CD8B2: variants seen among roughly 807,000 people sequenced by gnomAD.
The protein encoded by CD8B2 is T-cell surface glycoprotein CD8 beta-2 chain.
Under a neutral mutation model 23.7 loss-of-function variants are expected in CD8B2, and 11 were observed. The observed-to-expected ratio is 0.46, with a 90% CI of 0.29 to 0.77. The LOEUF (loss-of-function observed/expected upper bound fraction) is 0.77, where lower values mean the gene tolerates loss of function less well. CD8B2 is among the 30% of genes least tolerant of loss of function. The pLI, the probability that CD8B2 is intolerant of heterozygous loss-of-function variation, is 0.09. For synonymous variants in CD8B2, 90 were observed against 109.3 expected, an observed-to-expected ratio of 0.82 and a Z score of 1.10; for missense variants, 197 against 270.5, an observed-to-expected ratio of 0.73 and a Z score of 1.91.
intron 5 of CD8B2, among the ~76,000 whole-genome samples, chr2:106,524,183 C>G (rs1377608603): frequency 6.6e-6 from 1 of 152,164 alleles, no homozygotes; most frequent in Non-Finnish European, 1.5e-5. Flanking sequence ...TAATAGTAGG[C>G]TGGCTTCCTG....
intron 3 of CD8B2, among the ~76,000 whole-genome samples, chr2:106,500,459 C>A (rs1301937114): frequency 6.6e-6 from 1 of 150,734 alleles, no homozygotes; most frequent in Non-Finnish European, 1.5e-5. Context: ...GCAGAGGTTG[C>A]GGTGAGCCCA....
At chr2:106,526,590 C>G (rs1679909945) in intron 5 of CD8B2, among the ~76,000 whole-genome samples, 1 of 152,204 alleles carries the variant, frequency 6.6e-6, no homozygotes, top group Non-Finnish European at 1.5e-5. Context: ...TAGCACCTGT[C>G]AGTATTTCAT....
At chr2:106,490,400 G>T (rs1351172609) in intron 1 of CD8B2, among the ~76,000 whole-genome samples, 1 of 152,124 alleles carries the variant, frequency 6.6e-6, no homozygotes, top group African/African-American at 2.4e-5. Context: ...GGTGGTACAT[G>T]CCTATAGTCT....
Position 106,533,078 on chromosome 2 carries a change from T to C in CD8B2, c.621-10914T>C, listed in dbSNP as rs561737517. On this transcript the variant is annotated intron_variant, in intron 5 of 5. Coordinates refer to the CD8B2 transcript ENST00000416057. Reference sequence around the variant, plus strand: ...AATTGGCCCAAAATGAGAAAAAGGATGGGAGGGTCTTAATTGTTCTCCAAG... The same window carrying C: ...AATTGGCCCAAAATGAGAAAAAGGACGGGAGGGTCTTAATTGTTCTCCAAG... Among the ~76,000 whole-genome samples, 4 of 152,184 alleles carry C rather than the reference T, an allele frequency of 2.6e-5. No homozygotes were observed. In the South Asian group the frequency reaches 8.3e-4, roughly 32 times the overall value.
intron 3 of CD8B2, among the ~76,000 whole-genome samples, chr2:106,500,560 A>ATAATTAAT (rs1553466760): frequency 0.02 from 2,419 of 118,528 alleles, 5 homozygotes; most frequent in African/African-American, 0.047. Flanking sequence ...AAATAAATAA[A>ATAATTAAT]TAATTAAAAA....
intron 4 of CD8B2, among the ~76,000 whole-genome samples, chr2:106,503,369 C>T (rs1030557065): frequency 1.3e-5 from 2 of 152,010 alleles, no homozygotes; most frequent in African/African-American, 4.8e-5. Context: ...AAATAACGGA[C>T]CTCTCCCCAC....
At chr2:106,493,297 G>A (rs4399721) in intron 2 of CD8B2, among the ~76,000 whole-genome samples, 135,099 of 152,090 alleles carry the variant, frequency 0.89, 60,160 homozygotes, top group East Asian at 1. Context: ...TCATGGGCTC[G>A]AAGTTTTATT....
intron 3 of CD8B2, among the ~76,000 whole-genome samples, chr2:106,496,907 C>A (rs1679311136): frequency 6.6e-6 from 1 of 152,188 alleles, no homozygotes; most frequent in African/African-American, 2.4e-5. Flanking sequence ...AACAAGGGGA[C>A]TTTATGAGTA....
At chr2:106,514,432 T>C (rs1431839252), downstream of CD8B2, among the ~76,000 whole-genome samples, 2 of 151,612 alleles carry the variant, frequency 1.3e-5, no homozygotes, top group Non-Finnish European at 2.9e-5. Context: ...GGATTACAGG[T>C]GCGCGCCATC....
rs1265125643 is a variant in CD8B2 at position 106,511,052 on chromosome 2, G to A, written c.*4112G>A. The A allele has an allele frequency of 1.3e-5, 2 of 151,960 alleles. No individual in the cohort carries two copies. The highest frequency in any genetic ancestry group is 1.5e-5 in the Non-Finnish European group (1 of 68,018). 9.4% of individuals were successfully genotyped at this position (151,960 alleles called of 1,614,324 possible). ...TACATCATGTATTACTTTTGTAGTTGGGGAAAAAGCAATTAAAAGTTTGGA... is the reference window on the plus strand; with the variant it reads ...TACATCATGTATTACTTTTGTAGTTAGGGAAAAAGCAATTAAAAGTTTGGA... On this transcript the variant is annotated 3_prime_UTR_variant, in exon 6 of 6. Coordinates refer to ENST00000643224, the MANE Select transcript of CD8B2 (RefSeq NM_001349727.2).
intron 2 of CD8B2, among the ~76,000 whole-genome samples, chr2:106,494,526 A>C: frequency 6.8e-6 from 1 of 146,166 alleles, no homozygotes; most frequent in Admixed American, 6.9e-5. Flanking sequence ...GTGTCTCCTT[A>C]CTCCCTCTCC....
intron 5 of CD8B2, among the ~76,000 whole-genome samples, chr2:106,541,956 C>T (rs1680180601): frequency 6.6e-6 from 1 of 152,186 alleles, no homozygotes; most frequent in Non-Finnish European, 1.5e-5. Flanking sequence ...AGCTAGAGGT[C>T]AAGGCTGTTC....
chr2:106,511,894 G>T (rs1444295544), downstream of CD8B2, among the ~76,000 whole-genome samples: 1 of 152,216 alleles, frequency 6.6e-6, no homozygotes, highest in Non-Finnish European at 1.5e-5. Flanking sequence ...TGCACGACAC[G>T]TGTGATTCCT....
intron 5 of CD8B2, among the ~76,000 whole-genome samples, chr2:106,530,478 AC>A (rs1374449798): frequency 6.6e-6 from 1 of 152,118 alleles, no homozygotes; most frequent in Non-Finnish European, 1.5e-5. Flanking sequence ...TCCCGGGTTC[AC>A]GCCATTCTCC....
At chr2:106,488,688 G>A (rs1234037179) in intron 1 of CD8B2, among the ~76,000 whole-genome samples, 1 of 152,212 alleles carries the variant, frequency 6.6e-6, no homozygotes, top group African/African-American at 2.4e-5. Flanking sequence ...GGATCACTGT[G>A]TGACCTTGAG....
intron 5 of CD8B2, among the ~76,000 whole-genome samples, chr2:106,530,371 C>T (rs927204063): frequency 2.0e-5 from 3 of 151,992 alleles, no homozygotes; most frequent in Non-Finnish European, 2.9e-5. Context: ...GCGTGTGAAC[C>T]AGGAGCAACT....
chr2:106,501,668 C>A (rs950345180), intron 3 of CD8B2, among the ~76,000 whole-genome samples: 1 of 152,040 alleles, frequency 6.6e-6, no homozygotes, highest in Non-Finnish European at 1.5e-5. Flanking sequence ...GGCGACAGAG[C>A]GAGACTCTGT....
chr2:106,518,241 T>A (rs1044519612), intron 5 of CD8B2, among the ~76,000 whole-genome samples: 2 of 152,190 alleles, frequency 1.3e-5, no homozygotes, highest in Non-Finnish European at 2.9e-5. Context: ...TTCTACTCTT[T>A]CAGAGGAAAG....
At chr2:106,544,078 C>T (rs764816908) in exon 6 of CD8B2, 8 of 398,620 alleles carry the variant, frequency 2.0e-5, no homozygotes, top group Admixed American at 8.8e-5. Context: ...GTCAAGAGCA[C>T]GTGGGTGGCC....
Sources: gnomAD v4.1 joint callset for allele counts (sites outside exome capture counted in the v4.1 genomes callset) on GRCh38, gnomAD v4.1.1 for gene constraint, MANE v1.5 for transcripts, NCBI Gene and HGNC (gene_info 2026-07-23, HGNC 2026-07-21) for gene names.